Variants in BRINP3 observed in about 807,000 individuals in gnomAD.
The protein encoded by BRINP3 is BMP/retinoic acid-inducible neural-specific protein 3.
A neutral mutation model predicts 71.0 loss-of-function variants in BRINP3; 19 were observed. The ratio of observed to expected loss-of-function variants is 0.27; its 90% CI spans 0.19 to 0.39. The LOEUF is 0.39. BRINP3 is among the 10% of genes least tolerant of loss of function. The pLI is 1.00. For missense variants in BRINP3, 959 were observed against 940.8 expected, an observed-to-expected ratio of 1.02 and a Z score of -0.25; for synonymous variants, 380 against 337.7, an observed-to-expected ratio of 1.13 and a Z score of -1.37.
At chr1:190,112,496 A>G (rs919519368) in intron 7 of BRINP3, among the ~76,000 whole-genome samples, 3 of 152,206 alleles carry the variant, frequency 2.0e-5, no homozygotes, top group Non-Finnish European at 2.9e-5. Flanking sequence ...TATAGCCTCT[A>G]TCTTTCACAA....
intron 2 of BRINP3, among the ~76,000 whole-genome samples, chr1:190,347,832 T>C (rs910386309): frequency 2.6e-5 from 4 of 152,146 alleles, no homozygotes; most frequent in African/African-American, 9.7e-5. Flanking sequence ...TTTTCAATTA[T>C]CAATGAAAGA....
intron 6 of BRINP3, among the ~76,000 whole-genome samples, chr1:190,207,062 T>A (rs1378713374): frequency 2.6e-5 from 4 of 151,958 alleles, no homozygotes; most frequent in Non-Finnish European, 4.4e-5. Flanking sequence ...ATGTTAATAT[T>A]AGAGATGTTA....
chr1:190,210,243 T>G, intron 6 of BRINP3, among the ~76,000 whole-genome samples: 1 of 152,116 alleles, frequency 6.6e-6, no homozygotes, highest in Admixed American at 6.6e-5. Flanking sequence ...ATCACATATA[T>G]TTTTGTAAAA....
chr1:190,119,192 C>A (rs1169139684), intron 7 of BRINP3, among the ~76,000 whole-genome samples: 1 of 152,072 alleles, frequency 6.6e-6, no homozygotes, highest in Admixed American at 6.5e-5. Flanking sequence ...ATCATGACTT[C>A]TTAATAGTTT....
Position 190,191,502 on chromosome 1 carries a change from G to T in BRINP3, c.962-30612C>A, listed in dbSNP as rs1033583664. Among the ~76,000 whole-genome samples, 17 of 152,096 alleles carry T rather than the reference G, an allele frequency of 1.1e-4. No individual in the cohort carries two copies. In the East Asian group the frequency reaches 3.3e-3, roughly 30 times the overall value. ...CTCCCACTTATGAGTGCGAACAAGT[G>T]GTGTTTGATTTTCTGTTCTTATGTT... On this transcript the variant is annotated intron_variant, in intron 6 of 7. Transcript: ENST00000367462.
chr1:190,329,657 T>C (rs547548241), intron 2 of BRINP3, among the ~76,000 whole-genome samples: 1 of 151,938 alleles, frequency 6.6e-6, no homozygotes, highest in African/African-American at 2.4e-5. Flanking sequence ...ATTCCAAAAG[T>C]CATATGAGAT....
chr1:190,367,210 T>A (rs1180229208), intron 2 of BRINP3, among the ~76,000 whole-genome samples: 1 of 152,226 alleles, frequency 6.6e-6, no homozygotes, highest in Non-Finnish European at 1.5e-5. Context: ...ACACATTCTC[T>A]GAAATCTAGG....
At chr1:190,377,606 T>C (rs924235969) in intron 2 of BRINP3, among the ~76,000 whole-genome samples, 1 of 148,814 alleles carries the variant, frequency 6.7e-6, no homozygotes, top group African/African-American at 2.4e-5. Flanking sequence ...ATATAATATA[T>C]ATAAAACCTG....
chr1:190,195,936 A>C (rs1433421172), intron 6 of BRINP3, among the ~76,000 whole-genome samples: 1 of 152,050 alleles, frequency 6.6e-6, no homozygotes, highest in Non-Finnish European at 1.5e-5. Flanking sequence ...ATTATCAAAA[A>C]CCTCATATTT....
At chr1:190,191,953 T>C (rs1424514930) in intron 6 of BRINP3, among the ~76,000 whole-genome samples, 3 of 152,224 alleles carry the variant, frequency 2.0e-5, no homozygotes, top group South Asian at 2.1e-4. Flanking sequence ...ATAATTAATA[T>C]GTTAGTTAAA....
chr1:190,221,224 A>G (rs1656863082), intron 6 of BRINP3, among the ~76,000 whole-genome samples: 1 of 152,154 alleles, frequency 6.6e-6, no homozygotes, highest in Non-Finnish European at 1.5e-5. Context: ...TCTCAAACAA[A>G]CAAACAACAA....
At chr1:190,136,546 G>C (rs958876581) in intron 7 of BRINP3, among the ~76,000 whole-genome samples, 2 of 151,962 alleles carry the variant, frequency 1.3e-5, no homozygotes, top group South Asian at 4.1e-4. Flanking sequence ...GAATAATCTT[G>C]TTTGTCCAAA....
intron 7 of BRINP3, among the ~76,000 whole-genome samples, chr1:190,109,904 C>T (rs1268794528): frequency 1.3e-5 from 2 of 152,206 alleles, no homozygotes; most frequent in African/African-American, 4.8e-5. Context: ...TGGACTGATC[C>T]TCATGACTGG....
chr1:190,369,498 T>C (rs1164261168), intron 2 of BRINP3, among the ~76,000 whole-genome samples: 1 of 152,100 alleles, frequency 6.6e-6, no homozygotes, highest in African/African-American at 2.4e-5. Flanking sequence ...AAATCTTTCA[T>C]AAATCAATAT....
intron 2 of BRINP3, among the ~76,000 whole-genome samples, chr1:190,301,244 CAT>C (rs368220773): frequency 7.1e-5 from 8 of 112,792 alleles, no homozygotes; most frequent in African/African-American, 1.7e-4. Context: ...TACACACATA[CAT>C]ATATATATAT....
chr1:190,449,293 A>G (rs544106293), intron 2 of BRINP3, among the ~76,000 whole-genome samples: 29 of 151,862 alleles, frequency 1.9e-4, no homozygotes, highest in African/African-American at 7.0e-4. Context: ...TTCTTGCCGT[A>G]TGGTCTTCTG....
chr1:190,461,136 T>G (rs1380572563), intron 1 of BRINP3, among the ~76,000 whole-genome samples: 2 of 152,224 alleles, frequency 1.3e-5, no homozygotes, highest in Admixed American at 1.3e-4. Flanking sequence ...TCTGATCTCT[T>G]TAAAATAACT....
At chr1:190,373,169 C>G (rs186977896) in intron 2 of BRINP3, among the ~76,000 whole-genome samples, 1 of 151,998 alleles carries the variant, frequency 6.6e-6, no homozygotes, top group Non-Finnish European at 1.5e-5. Flanking sequence ...GTGGGTTGAT[C>G]GCCTGAGGTC....
intron 1 of BRINP3, chr1:190,476,044 G>A (rs943595432): frequency 6.6e-6 from 1 of 151,640 alleles, no homozygotes; most frequent in Admixed American, 6.6e-5. Context: ...GCGCCAAGTG[G>A]TGCGGACCAC....
Sources: allele counts gnomAD v4.1 joint callset (sites outside exome capture counted in the v4.1 genomes callset), GRCh38; gene constraint gnomAD v4.1.1; transcripts MANE v1.5; gene names NCBI Gene and HGNC (gene_info 2026-07-23, HGNC 2026-07-21).